DNAJB4: variants seen among roughly 807,000 people sequenced by gnomAD.
DNAJB4 encodes DnaJ heat shock protein family (Hsp40) member B4.
DNAJB4 carries 10 observed loss-of-function variants against 26.6 expected under a neutral mutation model. That is an observed-to-expected ratio of 0.38 (90% confidence interval 0.23 to 0.64). DNAJB4 has a LOEUF of 0.64. Among genes scored for constraint, DNAJB4 ranks in the 30% least tolerant of loss-of-function variants. The pLI is 0.58. For synonymous variants in DNAJB4, 136 were observed against 134.8 expected (o/e 1.01, Z -0.06); for missense variants, 328 against 408.2 (o/e 0.80, Z 1.69).
At chr1:78,009,419 G>T (rs1027853977) in intron 1 of DNAJB4, among the ~76,000 whole-genome samples, 3 of 152,186 alleles carry the variant, frequency 2.0e-5, no homozygotes, top group Non-Finnish European at 4.4e-5. Context: ...ACTGCAAACT[G>T]GTTGACTGGT....
chr1:77,993,936 C>T (rs1660000453), intron 1 of DNAJB4, among the ~76,000 whole-genome samples: 1 of 152,104 alleles, frequency 6.6e-6, no homozygotes, highest in South Asian at 2.1e-4. Flanking sequence ...TACTATAGGA[C>T]ATACGGGCTT....
chr1:77,985,693 TAG>T (rs1261022077), intron 1 of DNAJB4, among the ~76,000 whole-genome samples: 3 of 152,090 alleles, frequency 2.0e-5, no homozygotes, highest in Non-Finnish European at 4.4e-5. Context: ...AGGTTTTAGT[TAG>T]AGCTTTTAAG....
chr1:77,982,460 C>T (rs910750782), intron 1 of DNAJB4, among the ~76,000 whole-genome samples: 4 of 152,206 alleles, frequency 2.6e-5, no homozygotes, highest in African/African-American at 9.7e-5. Flanking sequence ...CTTAACCTGA[C>T]TAACCAATTG....
chr1:77,985,596 A>G lies in DNAJB4; in HGVS notation c.-32+5274A>G, dbSNP rs924974317. Among the ~76,000 whole-genome samples, 13 of 152,198 alleles carry G rather than the reference A, an allele frequency of 8.5e-5. 1 individual carries two copies. The South Asian group carries it at 2.1e-3, about 24-fold the overall frequency. On this transcript the variant is annotated intron_variant, in intron 1 of 2. Transcript: ENST00000426517. The stretch of plus-strand genomic sequence containing the variant: ...AATTTATGTGCATATTAAGCTTTAG[A>G]CACCTTTTATCCAGGACAGATATTA...
chr1:78,010,251 C>T (rs1478859427), intron 1 of DNAJB4, among the ~76,000 whole-genome samples: 1 of 151,570 alleles, frequency 6.6e-6, no homozygotes. Context: ...GCTGATTTAC[C>T]CAGTTTACTT....
intron 1 of DNAJB4, 71 bp from the exon 2 acceptor site, chr1:78,012,980 A>G: frequency 7.3e-7 from 1 of 1,371,732 alleles, no homozygotes; most frequent in East Asian, 2.4e-5. Context: ...TTTATTAGCA[A>G]TACAGTTTTT....
At chr1:77,996,967 G>C (rs112742784) in intron 1 of DNAJB4, among the ~76,000 whole-genome samples, 1 of 152,146 alleles carries the variant, frequency 6.6e-6, no homozygotes, top group Admixed American at 6.5e-5. Flanking sequence ...AACCACAGGC[G>C]TGAGCCACAG....
At chr1:78,004,388 A>G (rs1014171610), upstream of DNAJB4, 1 of 152,082 alleles carries the variant, frequency 6.6e-6, no homozygotes, top group Non-Finnish European at 1.5e-5. Flanking sequence ...TATTATAGAT[A>G]CTCCCTTAAC....
At chr1:77,993,937 A>T (rs927574989) in intron 1 of DNAJB4, among the ~76,000 whole-genome samples, 3 of 152,308 alleles carry the variant, frequency 2.0e-5, no homozygotes, top group Admixed American at 1.3e-4. Context: ...ACTATAGGAC[A>T]TACGGGCTTA....
At chr1:78,014,436 T>G (rs1660579521) in intron 2 of DNAJB4, among the ~76,000 whole-genome samples, 1 of 152,116 alleles carries the variant, frequency 6.6e-6, no homozygotes, top group Non-Finnish European at 1.5e-5. Flanking sequence ...AATTGGATTG[T>G]AACTTTGCAA....
At chr1:77,999,295 A>G (rs1252105095) in intron 1 of DNAJB4, among the ~76,000 whole-genome samples, 1 of 152,242 alleles carries the variant, frequency 6.6e-6, no homozygotes, top group Non-Finnish European at 1.5e-5. Context: ...TTAGCTCATT[A>G]TTAGACTGTA....
chr1:77,998,502 T>C lies in DNAJB4; in HGVS notation c.-31-6578T>C, dbSNP rs1660116195. Among the ~76,000 whole-genome samples the C allele has an allele frequency of 2.6e-5, 4 of 152,180 alleles. 1 individual carries two copies. The South Asian group carries it at 8.3e-4, about 32-fold the overall frequency. On this transcript the variant is annotated intron_variant, in intron 1 of 2. Transcript: ENST00000426517. ...CTTAAAGACACTTGCCTTAAGTTTA[T>C]GTATTTCAGCTTGTAACGTAGATAA... is the stretch of plus-strand genomic sequence containing the variant.
chr1:78,009,281 T>C (rs1049012989), intron 1 of DNAJB4, among the ~76,000 whole-genome samples: 4 of 152,216 alleles, frequency 2.6e-5, no homozygotes, highest in Non-Finnish European at 5.9e-5. Flanking sequence ...TAAAGTATTA[T>C]CATGTTTTTT....
chr1:77,982,671 G>T (rs1330426437), intron 1 of DNAJB4, among the ~76,000 whole-genome samples: 1 of 152,294 alleles, frequency 6.6e-6, no homozygotes, highest in South Asian at 2.1e-4. Flanking sequence ...GGTAGCGGAC[G>T]CCTGTAATCC....
intron 1 of DNAJB4, among the ~76,000 whole-genome samples, chr1:77,989,209 A>G (rs1351459379): frequency 6.6e-6 from 1 of 152,160 alleles, no homozygotes; most frequent in Non-Finnish European, 1.5e-5. Context: ...GCCCACCTCT[A>G]ATTTTATTCA....
rs1199119446 is a variant in DNAJB4, at chr1:78,017,583, A to G, written c.*1336A>G. The G allele has an allele frequency of 6.6e-6, 1 of 152,088 alleles. No homozygotes were observed. The highest frequency in any genetic ancestry group is 2.4e-5 in the African/African-American group (1 of 41,454). 9.4% of individuals were successfully genotyped at this position (152,088 alleles called of 1,614,324 possible). A position where few individuals can be genotyped will look rare whatever the true frequency, so the allele number is the denominator to read the frequency against. Reference sequence around the variant, plus strand: ...TTTTTAGTGATATTTACAAAGTGGTACAATCATCATCACTTTCTAATTCCA... The same window carrying G: ...TTTTTAGTGATATTTACAAAGTGGTGCAATCATCATCACTTTCTAATTCCA... On this transcript the variant is annotated 3_prime_UTR_variant, in exon 3 of 3. Transcript: ENST00000370763.
intron 1 of DNAJB4, among the ~76,000 whole-genome samples, chr1:77,999,430 G>GTTTGT (rs1557505904): frequency 1.4e-5 from 2 of 145,138 alleles, no homozygotes; most frequent in Admixed American, 1.4e-4. Flanking sequence ...CATAGAACAG[G>GTTTGT]TTTTTTTTTT....
At chr1:78,007,492 AAT>A (rs1445522850) in intron 1 of DNAJB4, among the ~76,000 whole-genome samples, 1 of 152,168 alleles carries the variant, frequency 6.6e-6, no homozygotes. Flanking sequence ...GAGGTAGGAG[AAT>A]CACTTGAACC....
At chr1:78,006,828 G>A (rs1292130679) in intron 1 of DNAJB4, among the ~76,000 whole-genome samples, 5 of 152,128 alleles carry the variant, frequency 3.3e-5, no homozygotes, top group Admixed American at 6.5e-5. Flanking sequence ...TATTTCTAAA[G>A]GAGTAATTTT....
Sources: allele counts gnomAD v4.1 joint callset (sites outside exome capture counted in the v4.1 genomes callset), GRCh38; gene constraint gnomAD v4.1.1; transcripts MANE v1.5; gene names NCBI Gene and HGNC (gene_info 2026-07-23, HGNC 2026-07-21).